Variants in CTNNA3 observed in about 807,000 individuals in gnomAD.
CTNNA3 encodes catenin alpha-3.
Under a neutral mutation model 95.7 loss-of-function variants are expected in CTNNA3, and 76 were observed. The observed-to-expected ratio is 0.79, with a 90% CI of 0.66 to 0.96. The LOEUF is 0.96. CTNNA3 is among the 40% of genes least tolerant of loss of function. The pLI is 0.00. For missense variants in CTNNA3, 1,191 were observed against 1,089.8 expected, an observed-to-expected ratio of 1.09 and a Z score of -1.31; for synonymous variants, 431 against 374.4, an observed-to-expected ratio of 1.15 and a Z score of -1.74.
intron 7 of CTNNA3, among the ~76,000 whole-genome samples, chr10:67,019,123 T>C (rs1852833697): frequency 6.6e-6 from 1 of 152,248 alleles, no homozygotes; most frequent in Admixed American, 6.5e-5. Context: ...GGTAGGATGA[T>C]AAGGTTTTTA....
chr10:67,635,988 C>T (rs533499766), intron 2 of CTNNA3, among the ~76,000 whole-genome samples: 17 of 152,116 alleles, frequency 1.1e-4, no homozygotes, highest in South Asian at 8.3e-4. Context: ...ATAAAATCAC[C>T]GTGCAAAAAT....
At chr10:67,069,915 C>T (rs1242656403) in intron 7 of CTNNA3, among the ~76,000 whole-genome samples, 1 of 152,138 alleles carries the variant, frequency 6.6e-6, no homozygotes. Flanking sequence ...ACATATTTCT[C>T]CTGCATGTAT....
intron 7 of CTNNA3, among the ~76,000 whole-genome samples, chr10:66,889,444 A>T (rs1845173695): frequency 6.6e-6 from 1 of 152,174 alleles, no homozygotes; most frequent in African/African-American, 2.4e-5. Flanking sequence ...GATGTTGGCA[A>T]TGGGGGAGGC....
At position 66,427,472 on chromosome 10, in the gene CTNNA3, C is replaced by G. The variant is rs916479685; in HGVS notation, c.1532-48120G>C. Reference sequence around the variant, plus strand: ...CAGTATCTGGGCACTTCAAACTATACAGTAGGCACTGAAGAAAGATTAGTG... The same window carrying G: ...CAGTATCTGGGCACTTCAAACTATAGAGTAGGCACTGAAGAAAGATTAGTG... On this transcript the variant is annotated intron_variant, in intron 11 of 17. Coordinates refer to ENST00000433211, the MANE Select transcript of CTNNA3 (RefSeq NM_013266.4). Among the ~76,000 whole-genome samples, 5 of 152,042 alleles carry G rather than the reference C, an allele frequency of 3.3e-5. 1 individual carries two copies. Among genetic ancestry groups the G allele is most frequent in the Admixed American group, 3.3e-4 (5 of 15,210 alleles).
intron 5 of CTNNA3, among the ~76,000 whole-genome samples, chr10:67,483,890 G>T (rs112426756): frequency 0.012 from 1,736 of 150,936 alleles, 36 homozygotes; most frequent in African/African-American, 0.04. Flanking sequence ...TTATTGAAAT[G>T]GCCATACTGC....
chr10:66,600,875 G>T (rs896873426), intron 10 of CTNNA3, among the ~76,000 whole-genome samples: 1 of 151,846 alleles, frequency 6.6e-6, no homozygotes, highest in Admixed American at 6.6e-5. Context: ...TTTACAGCAA[G>T]GGGTAGTAGA....
intron 12 of CTNNA3, among the ~76,000 whole-genome samples, chr10:66,376,774 T>A (rs979351361): frequency 1.9e-4 from 29 of 152,164 alleles, no homozygotes; most frequent in African/African-American, 6.8e-4. Flanking sequence ...CCACAGATAT[T>A]ACTGTTCACT....
intron 13 of CTNNA3, among the ~76,000 whole-genome samples, chr10:66,188,604 T>TGTGTGG (rs2086472130): frequency 6.9e-6 from 1 of 144,540 alleles, no homozygotes; most frequent in Non-Finnish European, 1.5e-5. Flanking sequence ...TCTGTGTGTG[T>TGTGTGG]GTGTGTGTGT....
At chr10:66,147,787 T>TGTATA (rs1554866417) in intron 13 of CTNNA3, among the ~76,000 whole-genome samples, 5 of 149,584 alleles carry the variant, frequency 3.3e-5, no homozygotes, top group Admixed American at 6.8e-5. Flanking sequence ...ATGTATAGTA[T>TGTATA]GTATGTATAG....
intron 1 of CTNNA3, among the ~76,000 whole-genome samples, chr10:67,732,072 G>A (rs1841278100): frequency 6.6e-6 from 1 of 151,306 alleles, no homozygotes; most frequent in South Asian, 2.1e-4. Context: ...GAGCCATCAT[G>A]CCTGGCCCAT....
intron 12 of CTNNA3, among the ~76,000 whole-genome samples, chr10:66,336,585 T>G (rs189467376): frequency 4.6e-5 from 7 of 152,272 alleles, no homozygotes; most frequent in African/African-American, 1.2e-4. Context: ...ACAATAGTCT[T>G]TCTTCACACA....
chr10:66,853,960 C>G (rs1191397500), intron 7 of CTNNA3, among the ~76,000 whole-genome samples: 1 of 152,042 alleles, frequency 6.6e-6, no homozygotes, highest in East Asian at 1.9e-4. Context: ...AGCAGAGATT[C>G]TAAATAAAAA....
At chr10:66,503,935 A>T (rs1371751520) in intron 11 of CTNNA3, among the ~76,000 whole-genome samples, 1 of 152,156 alleles carries the variant, frequency 6.6e-6, no homozygotes, top group Non-Finnish European at 1.5e-5. Context: ...TAATTAACAA[A>T]TATTAGTTGT....
At chr10:66,530,816 C>T (rs576940378) in intron 10 of CTNNA3, among the ~76,000 whole-genome samples, 9 of 152,174 alleles carry the variant, frequency 5.9e-5, no homozygotes, top group African/African-American at 1.7e-4. Flanking sequence ...CTTGGATAAA[C>T]GTATAAGAAA....
intron 3 of CTNNA3, among the ~76,000 whole-genome samples, chr10:67,582,704 G>T (rs1211217343): frequency 6.6e-6 from 1 of 151,816 alleles, no homozygotes; most frequent in Non-Finnish European, 1.5e-5. Context: ...AAGTCTCTTT[G>T]TAGGTCTCTA....
chr10:67,583,309 C>T (rs1249791922), intron 3 of CTNNA3, among the ~76,000 whole-genome samples: 2 of 152,172 alleles, frequency 1.3e-5, no homozygotes, highest in African/African-American at 2.4e-5. Context: ...ATTTCTCCTT[C>T]ACTTATGAAG....
chr10:67,325,990 AT>A (rs1009370281), intron 5 of CTNNA3, among the ~76,000 whole-genome samples: 1 of 151,892 alleles, frequency 6.6e-6, no homozygotes, highest in Non-Finnish European at 1.5e-5. Flanking sequence ...CCTTCTTTGC[AT>A]TTTTTGATCT....
chr10:66,766,209 G>A (rs1839844595), intron 9 of CTNNA3, 55 bp downstream of exon 9: 1 of 1,560,174 alleles, frequency 6.4e-7, no homozygotes, highest in Non-Finnish European at 8.8e-7. Context: ...CATAAATGGA[G>A]AATGGGAGCC....
At chr10:67,170,999 AT>A (rs1783969476) in intron 7 of CTNNA3, among the ~76,000 whole-genome samples, 1 of 152,206 alleles carries the variant, frequency 6.6e-6, no homozygotes, top group African/African-American at 2.4e-5. Flanking sequence ...AAATGATGAT[AT>A]TTTGCATACA....
Sources: allele counts gnomAD v4.1 joint callset (sites outside exome capture counted in the v4.1 genomes callset), GRCh38; gene constraint gnomAD v4.1.1; transcripts MANE v1.5; gene names NCBI Gene and HGNC (gene_info 2026-07-23, HGNC 2026-07-21).